Variants in MCM6 observed in about 807,000 individuals in gnomAD.
The protein encoded by MCM6 is minichromosome maintenance complex component 6.
A neutral mutation model predicts 94.3 loss-of-function variants in MCM6; 46 were observed. The ratio of observed to expected loss-of-function variants is 0.49; its 90% confidence interval spans 0.39 to 0.62. MCM6 has a LOEUF of 0.62. Among genes scored for constraint, MCM6 ranks in the 20% least tolerant of loss-of-function variants. The probability of loss-of-function intolerance (pLI) is 0.00; values close to 1 mark genes in which losing one functional copy is unlikely to be tolerated. For synonymous variants in MCM6, 335 were observed against 351.9 expected, an observed-to-expected ratio of 0.95 and a Z score of 0.54; for missense variants, 865 against 1,017.9, an observed-to-expected ratio of 0.85 and a Z score of 2.04.
intron 12 of MCM6, among the ~76,000 whole-genome samples, chr2:135,852,396 T>C (rs1679793413): frequency 6.6e-6 from 1 of 152,164 alleles, no homozygotes; most frequent in Non-Finnish European, 1.5e-5. Context: ...AAACAGTAAT[T>C]TATATTTATC....
At chr2:135,858,770 C>T (rs1194235809) in intron 9 of MCM6, among the ~76,000 whole-genome samples, 4 of 152,236 alleles carry the variant, frequency 2.6e-5, no homozygotes, top group South Asian at 4.1e-4. Flanking sequence ...CTTATATACA[C>T]ATCTACCGAT....
At chr2:135,847,058 A>G (rs1164913064) in intron 14 of MCM6, among the ~76,000 whole-genome samples, 1 of 152,162 alleles carries the variant, frequency 6.6e-6, no homozygotes, top group Admixed American at 6.6e-5. Context: ...ACAGTTATAC[A>G]TAGCATATAA....
intron 9 of MCM6, among the ~76,000 whole-genome samples, chr2:135,858,503 C>T (rs1184511928): frequency 6.6e-6 from 1 of 151,924 alleles, no homozygotes; most frequent in Non-Finnish European, 1.5e-5. Context: ...CAAGAACAGT[C>T]TTTCAGATGG....
At chr2:135,867,253 TATC>T (rs1680108688) in intron 4 of MCM6, among the ~76,000 whole-genome samples, 1 of 152,188 alleles carries the variant, frequency 6.6e-6, no homozygotes, top group Admixed American at 6.5e-5. Flanking sequence ...CCTGTTACAA[TATC>T]ATTATCACAA....
chr2:135,854,529 C>CAAA (rs1181597035), intron 11 of MCM6, among the ~76,000 whole-genome samples: 2 of 49,962 alleles, frequency 4.0e-5, no homozygotes, highest in African/African-American at 1.6e-4. Context: ...GACTCCATCT[C>CAAA]AAAAAAAAAA....
intron 11 of MCM6, among the ~76,000 whole-genome samples, chr2:135,854,675 C>T (rs2105579824): frequency 6.6e-6 from 1 of 151,920 alleles, no homozygotes; most frequent in East Asian, 1.9e-4. Flanking sequence ...GAGTTTGCAG[C>T]CAGCCTGGGC....
chr2:135,872,649 C>A (rs1179014335), intron 2 of MCM6, 48 bp downstream of exon 2: 1 of 1,586,224 alleles, frequency 6.3e-7, no homozygotes, highest in South Asian at 1.1e-5. Context: ...AGCTGGCTTC[C>A]CGGATTTCAA....
intron 11 of MCM6, among the ~76,000 whole-genome samples, chr2:135,853,651 T>C (rs985212288): frequency 6.6e-6 from 1 of 151,836 alleles, no homozygotes; most frequent in East Asian, 1.9e-4. Context: ...AGTTAAGTAG[T>C]GGAGCCAGGA....
chr2:135,850,180 C>T (rs1039298432), intron 13 of MCM6, among the ~76,000 whole-genome samples: 1 of 152,178 alleles, frequency 6.6e-6, no homozygotes, highest in Non-Finnish European at 1.5e-5. Flanking sequence ...ATTCTGCACA[C>T]CCTTCAGTGA....
chr2:135,876,021 G>A (rs767444176), intron 1 of MCM6, among the ~76,000 whole-genome samples: 2 of 152,236 alleles, frequency 1.3e-5, no homozygotes, highest in Admixed American at 6.5e-5. Context: ...GCAAAGCGCT[G>A]AGCACTGGGC....
At chr2:135,864,875 GTCCT>G in intron 7 of MCM6, 134 bp downstream of exon 7, 1 of 509,860 alleles carries the variant, frequency 2.0e-6, no homozygotes, top group Non-Finnish European at 3.2e-6. Flanking sequence ...TCATGTACCT[GTCCT>G]TTTGTAAATG....
chr2:135,858,316 G>A (rs1011041603), intron 9 of MCM6, among the ~76,000 whole-genome samples: 2 of 152,000 alleles, frequency 1.3e-5, no homozygotes, highest in African/African-American at 2.4e-5. Flanking sequence ...GTGAAACCCC[G>A]TCTCTACTGA....
chr2:135,843,308 C>G (rs1052846764), intron 16 of MCM6, among the ~76,000 whole-genome samples: 2 of 152,172 alleles, frequency 1.3e-5, no homozygotes, highest in Non-Finnish European at 2.9e-5. Flanking sequence ...CAGCTCTATA[C>G]ATCTGGAGTT....
chr2:135,842,056 G>T (rs1679582028), intron 16 of MCM6, among the ~76,000 whole-genome samples: 2 of 152,130 alleles, frequency 1.3e-5, no homozygotes, highest in Admixed American at 1.3e-4. Context: ...GGCGAGCTGA[G>T]ATCATGCTAC....
chr2:135,843,344 A>G (rs1001675236), intron 16 of MCM6, among the ~76,000 whole-genome samples: 1 of 152,226 alleles, frequency 6.6e-6, no homozygotes, highest in African/African-American at 2.4e-5. Context: ...AGCTGGTGAC[A>G]TAAATGTGGA....
At chr2:135,864,026 G>A (rs1422575377) in intron 7 of MCM6, among the ~76,000 whole-genome samples, 7 of 151,514 alleles carry the variant, frequency 4.6e-5, no homozygotes, top group African/African-American at 9.7e-5. Context: ...CAGGAGAATC[G>A]CTTGAACCCG....
rs1235449955 is a variant in MCM6 at position 135,865,467 on chromosome 2, T to C, written c.928-304A>G. On this transcript the variant is annotated intron_variant, in intron 6 of 16. Transcript: ENST00000264156. ...ATGCAAATAAAATAAGAGAATATTA[T>C]GTTCACTCCCTTTTTCCAATACTGA... 2.6e-5 allele frequency among the ~76,000 whole-genome samples: 4 copies of C among 152,230 alleles called. 1 individual carries two copies. The highest frequency in any genetic ancestry group is 4.4e-5 in the Non-Finnish European group (3 of 68,040).
At chr2:135,841,009 T>C in intron 16 of MCM6, 58 bp from the exon 17 acceptor site, 1 of 1,208,356 alleles carries the variant, frequency 8.3e-7, no homozygotes. Context: ...AATGTCCAGA[T>C]ATACAAGACT....
In MCM6 at chr2:135,844,550, G is replaced by A. The variant is rs770194362; in HGVS notation, c.2344C>T (p.His782Tyr). The change falls in exon 16 of 17, where the codon CAC becomes TAC. Residue 782 changes from histidine to tyrosine, a missense_variant. Around this residue, in one of 3 missense-constraint regions of MCM6, gnomAD observed 308 missense variants for 324.5 expected, o/e 0.95. Transcript: ENST00000264156. ...IIEKVIHRLT[H>Y]YDHVLIELTQ... ...ACGCGCACTTCTGCACCTACATAGTGTGTGAGTCGATGAATAACTTTCTCT... is the reference window on the plus strand; with the variant it reads ...ACGCGCACTTCTGCACCTACATAGTATGTGAGTCGATGAATAACTTTCTCT... The A allele has an allele frequency of 6.4e-6, 10 of 1,569,442 alleles. No homozygotes were observed. The East Asian group carries it at 2.1e-4, about 33-fold the overall frequency.
Sources: gnomAD v4.1 joint callset for allele counts (sites outside exome capture counted in the v4.1 genomes callset) on GRCh38, gnomAD v4.1.1 for gene constraint, gnomAD v4.1.1 regional missense constraint, MANE v1.5 for transcripts, NCBI Gene and HGNC (gene_info 2026-07-23, HGNC 2026-07-21) for gene names.